Variants in ALMS1 observed in about 807,000 individuals in gnomAD.
ALMS1 encodes the protein centrosome-associated protein ALMS1.
Under a neutral mutation model 352.2 loss-of-function variants are expected in ALMS1, and 271 were observed. That is an observed-to-expected ratio of 0.77 (90% confidence interval 0.70 to 0.85). The LOEUF (loss-of-function observed/expected upper bound fraction) is 0.85. ALMS1 is among the 40% of genes least tolerant of loss of function. ALMS1 has a pLI of 0.00. For synonymous variants in ALMS1, 1,865 were observed against 1,761.2 expected (o/e 1.06, Z -1.48); for missense variants, 5,445 against 4,870.7 (o/e 1.12, Z -3.51).
intron 9 of ALMS1, among the ~76,000 whole-genome samples, chr2:73,484,648 T>C (rs7563785): frequency 0.29 from 43,882 of 149,736 alleles, 7,371 homozygotes; most frequent in African/African-American, 0.51. Context: ...GAAGTTCTCC[T>C]GGATAATATC....
chr2:73,542,348 A>T (rs930358490), intron 12 of ALMS1, among the ~76,000 whole-genome samples: 2 of 152,186 alleles, frequency 1.3e-5, no homozygotes, highest in African/African-American at 4.8e-5. Context: ...TCAATAAATG[A>T]GGTATTGATG....
Position 73,449,500 on chromosome 2 carries a change from G to T in ALMS1, c.2973G>T (p.Lys991Asn), listed in dbSNP as rs1444578140. 1.2e-6 allele frequency: 2 copies of T among 1,614,086 alleles called. No homozygotes were observed. Among genetic ancestry groups the T allele is most frequent in the Non-Finnish European group, 1.7e-6 (2 of 1,179,980 alleles). ...CTATTCCTGGACTGACTGACCAGAA[G>T]ACTGTCCCAACACCAACAGTACCTT... is the stretch of plus-strand genomic sequence containing the variant. ...MSAIPGLTDQ[K>N]TVPTPTVPSG... The change falls in exon 8 of 23, where the codon AAG becomes AAT. Residue 991 changes from lysine (K) to asparagine (N), a missense_variant. Physicochemically the swap from Lys to Asn is moderately conservative, Grantham distance 94. Coordinates refer to ENST00000613296, the MANE Select transcript of ALMS1 (RefSeq NM_001378454.1).
At chr2:73,555,947 A>G (rs772024194) in intron 13 of ALMS1, among the ~76,000 whole-genome samples, 44 of 152,190 alleles carry the variant, frequency 2.9e-4, no homozygotes, top group Admixed American at 4.6e-4. Flanking sequence ...TTGCAAAACA[A>G]TGCTGTACAC....
At chr2:73,460,866 T>C (rs1300100264) in intron 9 of ALMS1, among the ~76,000 whole-genome samples, 1 of 152,156 alleles carries the variant, frequency 6.6e-6, no homozygotes, top group African/African-American at 2.4e-5. Flanking sequence ...GAGATCAAAC[T>C]GCAAGGCAGC....
At chr2:73,591,092 G>C (rs1308930321) in intron 16 of ALMS1, among the ~76,000 whole-genome samples, 1 of 152,118 alleles carries the variant, frequency 6.6e-6, no homozygotes, top group African/African-American at 2.4e-5. Flanking sequence ...CTACAGGCAT[G>C]TGCCACTGTG....
intron 9 of ALMS1, among the ~76,000 whole-genome samples, chr2:73,466,274 C>T (rs1287505540): frequency 6.6e-6 from 1 of 151,902 alleles, no homozygotes; most frequent in East Asian, 1.9e-4. Flanking sequence ...GAAAATGTGG[C>T]ACATATACAC....
chr2:73,385,805 C>T (rs886056293), upstream of ALMS1: 45 of 668,018 alleles, frequency 6.7e-5, no homozygotes, highest in Admixed American at 1.3e-4. Context: ...CCAGTCAGGG[C>T]TCTCCCCTTC....
intron 8 of ALMS1, among the ~76,000 whole-genome samples, chr2:73,454,726 T>C (rs1182774155): frequency 6.6e-6 from 1 of 152,210 alleles, no homozygotes; most frequent in Non-Finnish European, 1.5e-5. Context: ...AATTTAGGCC[T>C]ACCTAGAAAT....
chr2:73,593,917 C>T (rs1193999189), intron 16 of ALMS1, among the ~76,000 whole-genome samples: 3 of 152,212 alleles, frequency 2.0e-5, no homozygotes, highest in Admixed American at 6.5e-5. Flanking sequence ...TGTGCTCATT[C>T]CTTTTAATGG....
intron 21 of ALMS1, among the ~76,000 whole-genome samples, chr2:73,606,310 G>T (rs939562088): frequency 1.3e-5 from 2 of 152,186 alleles, no homozygotes; most frequent in African/African-American, 4.8e-5. Context: ...ATTTGGGAGT[G>T]TGAAGGGGGC....
chr2:73,444,574 G>A (rs910137604), intron 7 of ALMS1, among the ~76,000 whole-genome samples: 3 of 152,162 alleles, frequency 2.0e-5, no homozygotes, highest in African/African-American at 7.2e-5. Flanking sequence ...ATGTTAGCTC[G>A]TGTATGTGAT....
chr2:73,468,095 A>T (rs1375917340), intron 9 of ALMS1, among the ~76,000 whole-genome samples: 1 of 152,016 alleles, frequency 6.6e-6, no homozygotes, highest in African/African-American at 2.4e-5. Context: ...ATATTAATTA[A>T]AAGGAAACAT....
chr2:73,572,260 A>G lies in ALMS1; in HGVS notation c.10385-2A>G, dbSNP rs1255779642. 3 of 1,602,998 alleles carry G rather than the reference A, an allele frequency of 1.9e-6. No individual in the cohort carries two copies. The highest frequency in any genetic ancestry group is 1.1e-5 in the South Asian group (1 of 88,134). On this transcript the variant is annotated splice_acceptor_variant, in intron 15 of 22. Coordinates refer to ENST00000613296, the MANE Select transcript of ALMS1 (RefSeq NM_001378454.1). LOFTEE classifies it high-confidence loss of function. The stretch of plus-strand genomic sequence containing the variant: ...TTCAAAATCTTTTTTTCTCCTTTTC[A>G]GAGTCCGAATGTCATTCAGAATTTG...
At chr2:73,485,614 T>A (rs543860746) in intron 9 of ALMS1, among the ~76,000 whole-genome samples, 1 of 152,334 alleles carries the variant, frequency 6.6e-6, no homozygotes, top group East Asian at 1.9e-4. Flanking sequence ...AGTTCGAGCT[T>A]CCAGGCTGCT....
chr2:73,398,062 A>G (rs551531143), intron 1 of ALMS1, among the ~76,000 whole-genome samples: 23 of 152,316 alleles, frequency 1.5e-4, no homozygotes, highest in African/African-American at 5.1e-4. Flanking sequence ...ACCCAAGGAC[A>G]TCTAGATTTT....
Position 73,573,420 on chromosome 2 carries a change from T to G in ALMS1, c.11543T>G (p.Ile3848Ser). 6.2e-7 allele frequency: 1 copy of G among 1,613,990 alleles called. No individual in the cohort carries two copies. Among genetic ancestry groups the G allele is most frequent in the Non-Finnish European group, 8.5e-7 (1 of 1,179,974 alleles). Residue 3848 changes from isoleucine (I) to serine (S), a missense_variant, in exon 16 of 23, where the codon ATC becomes AGC. Ile to Ser is a moderately radical substitution (Grantham distance 142). Transcript: ENST00000613296. ...VTSEHTRRRH[I>S]QVANHVISSD... ...TCTGAGCACACCAGAAGGAGACACA[T>G]CCAGGTACATGGCTACAGATTCCAT... is the stretch of plus-strand genomic sequence containing the variant.
intron 9 of ALMS1, among the ~76,000 whole-genome samples, chr2:73,466,456 G>T (rs1195991705): frequency 7.0e-6 from 1 of 143,320 alleles, no homozygotes; most frequent in East Asian, 2.0e-4. Context: ...GACACAGGAA[G>T]GGGAACATCA....
chr2:73,414,718 T>G (rs896537704), intron 2 of ALMS1, among the ~76,000 whole-genome samples: 8 of 151,934 alleles, frequency 5.3e-5, no homozygotes, highest in Non-Finnish European at 1.0e-4. Context: ...GTTCTTCTGG[T>G]TTTTTTTCTA....
At chr2:73,425,687 A>C (rs1044694788) in intron 5 of ALMS1, among the ~76,000 whole-genome samples, 3 of 152,174 alleles carry the variant, frequency 2.0e-5, no homozygotes, top group Admixed American at 6.5e-5. Flanking sequence ...GCCGAGAGAG[A>C]GCCAAAAAAT....
Sources: allele counts gnomAD v4.1 joint callset (sites outside exome capture counted in the v4.1 genomes callset), GRCh38; gene constraint gnomAD v4.1.1; transcripts MANE v1.5; gene names NCBI Gene and HGNC (gene_info 2026-07-23, HGNC 2026-07-21).